Variants in HPSE2 observed in about 807,000 individuals in gnomAD.
HPSE2 encodes inactive heparanase-2.
In HPSE2, 38 loss-of-function variants were observed where a neutral mutation model predicts 60.5. The observed-to-expected ratio is 0.63, with a 90% CI of 0.48 to 0.82. The LOEUF (loss-of-function observed/expected upper bound fraction) is 0.82, where lower values mean the gene tolerates loss of function less well. Among genes scored for constraint, HPSE2 ranks in the 40% least tolerant of loss-of-function variants. HPSE2 has a pLI of 0.00. For missense variants in HPSE2, 713 were observed against 740.4 expected, an observed-to-expected ratio of 0.96 and a Z score of 0.43; for synonymous variants, 295 against 293.2, an observed-to-expected ratio of 1.01 and a Z score of -0.06.
rs146633667 is a variant in HPSE2, at chr10:98,482,772, C to T, written c.1477G>A (p.Val493Ile). Residue 493 changes from valine to isoleucine, a missense_variant, in exon 11 of 12, where the codon GTT becomes ATT. Transcript: ENST00000370552. ...HCTNHHNHNY[V>I]RGSITLFIIN... Reference sequence around the variant, plus strand: ...ATAAAAAGTGTAATGGACCCACGAACGTAGTTGTGGCTGAGATCCAGAGAA... The same window carrying T: ...ATAAAAAGTGTAATGGACCCACGAATGTAGTTGTGGCTGAGATCCAGAGAA... The T allele has an allele frequency of 1.6e-5, 26 of 1,613,930 alleles. No individual in the cohort carries two copies. The highest frequency in any genetic ancestry group is 1.9e-5 in the Non-Finnish European group (22 of 1,179,988).
intron 4 of HPSE2, among the ~76,000 whole-genome samples, chr10:98,726,630 T>TATAATAATAATAATA (rs35016961): frequency 1.3e-4 from 18 of 143,606 alleles, no homozygotes; most frequent in South Asian, 4.5e-4. Flanking sequence ...AAACTTAAAG[T>TATAATAATAATAATA]ATAATAATAA....
At chr10:98,716,697 A>G (rs1948798998) in intron 5 of HPSE2, among the ~76,000 whole-genome samples, 1 of 152,116 alleles carries the variant, frequency 6.6e-6, no homozygotes, top group South Asian at 2.1e-4. Context: ...TCTAGGCTGC[A>G]GAATGGAGGG....
intron 6 of HPSE2, among the ~76,000 whole-genome samples, chr10:98,653,362 T>C (rs757966493): frequency 7.9e-5 from 12 of 152,164 alleles, no homozygotes; most frequent in Admixed American, 2.6e-4. Flanking sequence ...ATGATTGATA[T>C]AGTTAGGATT....
chr10:99,211,399 A>G (rs1848949005), intron 2 of HPSE2, among the ~76,000 whole-genome samples: 1 of 152,182 alleles, frequency 6.6e-6, no homozygotes, highest in African/African-American at 2.4e-5. Flanking sequence ...CAGCCAAAAC[A>G]ATCTTGAGCA....
rs934643288 is a variant in HPSE2, at chr10:98,489,912, C to T, written c.1466+139G>A. 13 of 889,830 alleles carry T rather than the reference C, an allele frequency of 1.5e-5. No individual in the cohort carries two copies. The African/African-American group carries it at 1.8e-4, about 12-fold the overall frequency. 55.1% of individuals were successfully genotyped at this position (889,830 alleles called of 1,614,324 possible). A position where few individuals can be genotyped will look rare whatever the true frequency, so the allele number is the denominator to read the frequency against. On this transcript the variant is annotated intron_variant, in intron 10 of 11. Coordinates refer to ENST00000370552, the MANE Select transcript of HPSE2 (RefSeq NM_021828.5). ...TTTACCAGAAATTATTTGAAACCTC[C>T]AAAGAGCAGGTATGGTGATTCCAGA...
intron 2 of HPSE2, among the ~76,000 whole-genome samples, chr10:99,192,718 C>G (rs1189969722): frequency 2.0e-5 from 3 of 152,134 alleles, no homozygotes; most frequent in Non-Finnish European, 4.4e-5. Context: ...GCATGAGCTA[C>G]TGTGCCTGGG....
chr10:99,141,202 C>T (rs1845854646), intron 3 of HPSE2, among the ~76,000 whole-genome samples: 1 of 152,072 alleles, frequency 6.6e-6, no homozygotes, highest in Non-Finnish European at 1.5e-5. Flanking sequence ...TCTCATTAGC[C>T]ACTCCTTGAG....
chr10:98,499,177 A>T (rs553014992), intron 9 of HPSE2, among the ~76,000 whole-genome samples: 3 of 152,198 alleles, frequency 2.0e-5, no homozygotes, highest in Non-Finnish European at 4.4e-5. Context: ...TCACAAAAAG[A>T]TCATCACCTA....
the HPSE2 span, among the ~76,000 whole-genome samples, chr10:99,312,000 G>A: frequency 6.6e-6 from 1 of 152,232 alleles, no homozygotes; most frequent in African/African-American, 2.4e-5. Flanking sequence ...TTAAGCCAAA[G>A]CCTAATCCAG....
chr10:98,508,024 A>AACT (rs148189572), intron 9 of HPSE2, among the ~76,000 whole-genome samples: 10,503 of 152,276 alleles, frequency 0.069, 414 homozygotes, highest in African/African-American at 0.1. Context: ...GCAGACAGTA[A>AACT]GAGTCATTAA....
At chr10:99,030,144 A>T (rs1434812937) in intron 3 of HPSE2, among the ~76,000 whole-genome samples, 1 of 152,216 alleles carries the variant, frequency 6.6e-6, no homozygotes, top group Non-Finnish European at 1.5e-5. Context: ...TTATTATAAT[A>T]TTGGGATAAA....
At chr10:98,647,642 G>A (rs1333362024) in intron 6 of HPSE2, among the ~76,000 whole-genome samples, 1 of 152,212 alleles carries the variant, frequency 6.6e-6, no homozygotes, top group Non-Finnish European at 1.5e-5. Flanking sequence ...AAACACTGGA[G>A]AAAGGCTGAT....
chr10:98,614,931 G>A lies in HPSE2; in HGVS notation c.1293C>T (p.Leu431=), dbSNP rs749340094. The A allele has an allele frequency of 1.1e-5, 17 of 1,613,264 alleles. No individual in the cohort carries two copies. The highest frequency in any genetic ancestry group is 8.9e-5 in the East Asian group (4 of 44,864). Residue 431 remains leucine (L), a synonymous_variant, in exon 9 of 12, where the codon CTC becomes CTT. Coordinates refer to ENST00000370552, the MANE Select transcript of HPSE2 (RefSeq NM_021828.5). The stretch of plus-strand genomic sequence containing the variant: ...GTAATGGGTTAAAATTCTGGTCCAC[G>A]AGGTGATTGTATCCATGGTCAAAAA... ...HSFFDHGYNH[L]VDQNFNPLPD...
At chr10:98,489,473 G>T (rs2133675534) in intron 10 of HPSE2, among the ~76,000 whole-genome samples, 2 of 152,280 alleles carry the variant, frequency 1.3e-5, no homozygotes, top group African/African-American at 4.8e-5. Flanking sequence ...ATTTCACTTA[G>T]CCTCTTAATT....
chr10:98,729,111 A>G (rs1356581633), intron 4 of HPSE2, among the ~76,000 whole-genome samples: 4 of 152,228 alleles, frequency 2.6e-5, no homozygotes, highest in Non-Finnish European at 5.9e-5. Context: ...AGACAGAGGA[A>G]CAAAAATGCC....
the HPSE2 span, among the ~76,000 whole-genome samples, chr10:99,265,797 C>T: frequency 1.3e-5 from 2 of 152,116 alleles, no homozygotes; most frequent in African/African-American, 2.4e-5. Flanking sequence ...GGGAGACAGA[C>T]AAAAAACTGT....
chr10:98,515,791 T>C (rs960410079), intron 9 of HPSE2, among the ~76,000 whole-genome samples: 3 of 152,224 alleles, frequency 2.0e-5, no homozygotes, highest in Admixed American at 6.5e-5. Context: ...GGAGATCTGA[T>C]TATTTCTCAG....
chr10:99,095,854 G>C (rs1042414752), intron 3 of HPSE2, among the ~76,000 whole-genome samples: 1 of 152,134 alleles, frequency 6.6e-6, no homozygotes, highest in Non-Finnish European at 1.5e-5. Context: ...ACAAGTTTTT[G>C]TGTGGACATC....
chr10:98,764,032 C>A (rs1292647029), intron 3 of HPSE2, among the ~76,000 whole-genome samples: 1 of 152,070 alleles, frequency 6.6e-6, no homozygotes, highest in Non-Finnish European at 1.5e-5. Flanking sequence ...AGATGTAATA[C>A]ATCAAACAAC....
Sources: allele counts gnomAD v4.1 joint callset (sites outside exome capture counted in the v4.1 genomes callset), GRCh38; gene constraint gnomAD v4.1.1; transcripts MANE v1.5; gene names NCBI Gene and HGNC (gene_info 2026-07-23, HGNC 2026-07-21).